The following EPHA7 variants were observed in gnomAD, a reference collection of about 807,000 sequenced individuals.
EPHA7 encodes the protein EPH receptor A7.
A neutral mutation model predicts 112.6 loss-of-function variants in EPHA7; 25 were observed. That is an observed-to-expected ratio of 0.22 (90% CI 0.16 to 0.31). EPHA7 has a LOEUF of 0.31. Ranked by LOEUF, EPHA7 falls within the 10% of genes least tolerant of loss-of-function variation. The pLI, the probability that EPHA7 is intolerant of heterozygous loss-of-function variation, is 1.00. For synonymous variants in EPHA7, 437 were observed against 406.5 expected (o/e 1.07, Z -0.90); for missense variants, 962 against 1,212.6 (o/e 0.79, Z 3.07).
At chr6:93,291,764 T>A in intron 5 of EPHA7, among the ~76,000 whole-genome samples, 1 of 11,980 alleles carries the variant, frequency 8.3e-5, no homozygotes, top group Admixed American at 9.7e-4. Context: ...CGAGACTCCG[T>A]CTCAAAAAAA....
intron 5 of EPHA7, among the ~76,000 whole-genome samples, chr6:93,328,354 G>T (rs1774424931): frequency 6.6e-6 from 1 of 151,442 alleles, no homozygotes; most frequent in Non-Finnish European, 1.5e-5. Flanking sequence ...TAAAGACAGA[G>T]ATTTCTTTTT....
intron 5 of EPHA7, among the ~76,000 whole-genome samples, chr6:93,311,131 T>TTTTTTTTTTTTTTTTTTTTTTTG (rs1773518583): frequency 7.0e-6 from 1 of 142,930 alleles, no homozygotes; most frequent in Non-Finnish European, 1.5e-5. Context: ...TTTTTTTTTT[T>TTTTTTTTTTTTTTTTTTTTTTTG]TTTTTTTTTT....
chr6:93,302,803 T>G (rs1477713656), intron 5 of EPHA7, among the ~76,000 whole-genome samples: 3 of 143,310 alleles, frequency 2.1e-5, no homozygotes, highest in Non-Finnish European at 4.6e-5. Flanking sequence ...TGGAACAGCA[T>G]GGAGGGACCT....
At chr6:93,359,791 A>AT in intron 3 of EPHA7, among the ~76,000 whole-genome samples, 1 of 151,954 alleles carries the variant, frequency 6.6e-6, no homozygotes, top group Non-Finnish European at 1.5e-5. Context: ...ATTTTATATA[A>AT]TTTAAAGACT....
At chr6:93,339,835 T>C (rs1470000723) in intron 5 of EPHA7, among the ~76,000 whole-genome samples, 2 of 98,922 alleles carry the variant, frequency 2.0e-5, no homozygotes, top group African/African-American at 5.5e-5. Context: ...CTTTGGGGAA[T>C]GTTTCTGGTT....
At chr6:93,320,147 C>T (rs1023856141) in intron 5 of EPHA7, among the ~76,000 whole-genome samples, 12 of 151,958 alleles carry the variant, frequency 7.9e-5, no homozygotes, top group African/African-American at 2.4e-4. Context: ...ATCACTGATC[C>T]ATTTCATTGA....
chr6:93,413,477 T>G (rs989070974), intron 2 of EPHA7, among the ~76,000 whole-genome samples: 1 of 151,942 alleles, frequency 6.6e-6, no homozygotes, highest in Non-Finnish European at 1.5e-5. Context: ...GAAAATGGGC[T>G]ACATCTGTCA....
At chr6:93,382,524 T>C (rs746412590) in intron 3 of EPHA7, among the ~76,000 whole-genome samples, 7 of 152,188 alleles carry the variant, frequency 4.6e-5, no homozygotes, top group Non-Finnish European at 1.0e-4. Context: ...ACCCCTGCTA[T>C]AGACAATATA....
intron 5 of EPHA7, among the ~76,000 whole-genome samples, chr6:93,352,112 A>T (rs1223376682): frequency 6.6e-6 from 1 of 152,154 alleles, no homozygotes; most frequent in Non-Finnish European, 1.5e-5. Flanking sequence ...TACAGCTAGT[A>T]TGCAGAAAAG....
intron 5 of EPHA7, among the ~76,000 whole-genome samples, chr6:93,339,279 G>T (rs1252722872): frequency 2.0e-5 from 3 of 151,676 alleles, no homozygotes; most frequent in African/African-American, 7.2e-5. Context: ...TTAAAGAATA[G>T]TCAACGATTT....
chr6:93,309,347 C>T (rs1192146754), intron 5 of EPHA7, among the ~76,000 whole-genome samples: 1 of 152,122 alleles, frequency 6.6e-6, no homozygotes, highest in Non-Finnish European at 1.5e-5. Flanking sequence ...GTTATGAAGG[C>T]TACTTTCAAA....
At chr6:93,387,125 C>T (rs1322075408) in intron 3 of EPHA7, among the ~76,000 whole-genome samples, 1 of 152,056 alleles carries the variant, frequency 6.6e-6, no homozygotes, top group Non-Finnish European at 1.5e-5. Flanking sequence ...TACCACATCA[C>T]TAGGCTGCAA....
At chr6:93,415,908 A>G (rs1219930905) in intron 1 of EPHA7, among the ~76,000 whole-genome samples, 1 of 152,204 alleles carries the variant, frequency 6.6e-6, no homozygotes, top group Non-Finnish European at 1.5e-5. Flanking sequence ...ATGATAAGAA[A>G]ACAAAGGAAC....
intron 5 of EPHA7, among the ~76,000 whole-genome samples, chr6:93,319,473 T>G (rs35982242): frequency 0.18 from 26,607 of 151,938 alleles, 2,738 homozygotes; most frequent in East Asian, 0.34. Context: ...AGGGGGTAAG[T>G]GGTAAGAGCT....
chr6:93,291,233 A>G (rs530466311), intron 5 of EPHA7, among the ~76,000 whole-genome samples: 2 of 152,328 alleles, frequency 1.3e-5, no homozygotes, highest in South Asian at 4.1e-4. Flanking sequence ...AATGAGAAAT[A>G]AAAGGAATAC....
At chr6:93,378,067 T>C (rs2127967689) in intron 3 of EPHA7, among the ~76,000 whole-genome samples, 1 of 141,028 alleles carries the variant, frequency 7.1e-6, no homozygotes, top group African/African-American at 2.6e-5. Flanking sequence ...TTGGTATAAC[T>C]GAAACCTGCA....
chr6:93,341,664 C>T (rs1379037560), intron 5 of EPHA7, among the ~76,000 whole-genome samples: 1 of 151,760 alleles, frequency 6.6e-6, no homozygotes, highest in East Asian at 1.9e-4. Context: ...CTGAACTAAA[C>T]CAACATGCTG....
At chr6:93,359,514 T>A (rs1192746305) in intron 3 of EPHA7, among the ~76,000 whole-genome samples, 1 of 151,902 alleles carries the variant, frequency 6.6e-6, no homozygotes. Flanking sequence ...TAAATAAAAA[T>A]TTAGCATTTA....
At chr6:93,411,198 T>C (rs967215863) in intron 2 of EPHA7, 28 bp from the exon 3 acceptor site, 1 of 1,565,676 alleles carries the variant, frequency 6.4e-7, no homozygotes, top group South Asian at 1.1e-5. Flanking sequence ...AGGTCATCAG[T>C]CATTCAGCAA....
Sources: allele counts gnomAD v4.1 joint callset (sites outside exome capture counted in the v4.1 genomes callset), GRCh38; gene constraint gnomAD v4.1.1; transcripts MANE v1.5; gene names NCBI Gene and HGNC (gene_info 2026-07-23, HGNC 2026-07-21).